Variants in DIDO1 observed in about 807,000 individuals in gnomAD.
DIDO1 encodes the protein death inducer-obliterator 1.
Under a neutral mutation model 99.4 loss-of-function variants are expected in DIDO1, and 16 were observed. That is an observed-to-expected ratio of 0.16 (90% CI 0.11 to 0.24). DIDO1 has a LOEUF of 0.24. Among genes scored for constraint, DIDO1 ranks in the 10% least tolerant of loss-of-function variants. The pLI is 1.00. For missense variants in DIDO1, 2,996 were observed against 3,014.0 expected, an observed-to-expected ratio of 0.99 and a Z score of 0.14; for synonymous variants, 1,366 against 1,239.1, an observed-to-expected ratio of 1.10 and a Z score of -2.15.
intron 4 of DIDO1, among the ~76,000 whole-genome samples, chr20:62,907,918 G>T (rs191159746): frequency 1.9e-4 from 29 of 152,336 alleles, no homozygotes; most frequent in African/African-American, 6.7e-4. Context: ...AATGAAATCG[G>T]AATGTCAGAT....
intron 8 of DIDO1, among the ~76,000 whole-genome samples, chr20:62,895,681 G>A (rs1011003473): frequency 1.3e-5 from 2 of 152,164 alleles, no homozygotes; most frequent in African/African-American, 2.4e-5. Context: ...CTGTCAGCCC[G>A]GCGGCCTATC....
chr20:62,907,707 G>A (rs1362575240), intron 4 of DIDO1, among the ~76,000 whole-genome samples: 2 of 152,246 alleles, frequency 1.3e-5, no homozygotes, highest in South Asian at 4.1e-4. Flanking sequence ...GGCTTCTTCA[G>A]ATGTAATTAA....
rs2064211356 is a variant in DIDO1 at position 62,881,777 on chromosome 20, C to CGGGTCGTACTCCTCCTCA, written c.4161_4178dup (p.Glu1389_Glu1394dup). The CGGGTCGTACTCCTCCTCA allele has an allele frequency of 6.2e-7, 1 of 1,613,238 alleles. No homozygotes were observed. The highest frequency in any genetic ancestry group is 1.7e-5 in the Admixed American group (1 of 60,006). On this transcript the variant is annotated inframe_insertion, in exon 16 of 16. Transcript: ENST00000395343. This position sits in a 1 kb window ranked among gnomAD's most constrained non-coding sequence, Gnocchi z 8.3. ...CAAGCTGAGTGTCGAAGGCCCTCTCCGGGTCGTACTCCTCCTCAGGGTCGT... is the reference window on the plus strand; with the variant it reads ...CAAGCTGAGTGTCGAAGGCCCTCTCCGGGTCGTACTCCTCCTCAGGGTCGTACTCCTCCTCAGGGTCGT...
At position 62,896,867 on chromosome 20, in the gene DIDO1, A is replaced by G; in HGVS notation, c.1718T>C (p.Phe573Ser). 6.2e-7 allele frequency: 1 copy of G among 1,614,192 alleles called. No homozygotes were observed. The highest frequency in any genetic ancestry group is 1.6e-4 in the Middle Eastern group (1 of 6,062). The change falls in exon 7 of 16, where the codon TTT becomes TCT. Residue 573 changes from phenylalanine to serine, a missense_variant. Transcript: ENST00000395343. The surrounding 1 kb of genome is among the most constrained non-coding windows in gnomAD (Gnocchi z 4.4). ...TGGTGTGGCTGCTGCCACATTAGCA[A>G]AAGAAGACTTCTTTGGCACGAGGTT... ...PRNLVPKKSS[F>S]ANVAAATPAI...
At chr20:62,897,154 A>C (rs2064555197) in intron 6 of DIDO1, among the ~76,000 whole-genome samples, 158 bp from the exon 7 acceptor site, 1 of 152,262 alleles carries the variant, frequency 6.6e-6, no homozygotes, top group Non-Finnish European at 1.5e-5. Flanking sequence ...GTTAGTGTTC[A>C]GAGGAGTGTA....
At chr20:62,920,345 C>G (rs1171577201) in intron 1 of DIDO1, among the ~76,000 whole-genome samples, 1 of 152,194 alleles carries the variant, frequency 6.6e-6, no homozygotes, top group Non-Finnish European at 1.5e-5. Context: ...AATTCCATGG[C>G]CCCAAGCACA....
At chr20:62,893,411 A>G (rs1488829379) in intron 12 of DIDO1, among the ~76,000 whole-genome samples, 1 of 152,224 alleles carries the variant, frequency 6.6e-6, no homozygotes, top group Non-Finnish European at 1.5e-5. Flanking sequence ...AATGATACAG[A>G]CATTTTGGTT....
At chr20:62,923,396 T>C (rs2004527) in intron 1 of DIDO1, among the ~76,000 whole-genome samples, 92,979 of 151,872 alleles carry the variant, frequency 0.61, 30,336 homozygotes, top group African/African-American at 0.84. Context: ...AGGCTGGTCT[T>C]GAACTCCTGA....
At chr20:62,905,006 T>C (rs1211740523) in intron 6 of DIDO1, 32 of 988,550 alleles carry the variant, frequency 3.2e-5, no homozygotes, top group Non-Finnish European at 3.8e-5. Context: ...CATTAAAGAC[T>C]GAATTGAAAA....
At position 62,910,739 on chromosome 20, in the gene DIDO1, C is replaced by G. The variant is rs989577266; in HGVS notation, c.839+35G>C. Reference sequence around the variant, plus strand: ...ACAAATGGAAAATTCTGTTTGCAACCCTGGGATTTCTGTGGGTGCCCACAC... The same window carrying G: ...ACAAATGGAAAATTCTGTTTGCAACGCTGGGATTTCTGTGGGTGCCCACAC... On this transcript the variant is annotated intron_variant, in intron 3 of 15. Coordinates refer to ENST00000395343, the MANE Select transcript of DIDO1 (RefSeq NM_001193369.2). The G allele has an allele frequency of 1.9e-6, 3 of 1,587,164 alleles. No individual in the cohort carries two copies. In the African/African-American group the frequency reaches 4.0e-5, roughly 21 times the overall value.
intron 1 of DIDO1, among the ~76,000 whole-genome samples, chr20:62,937,125 C>A (rs2065397010): frequency 6.6e-6 from 1 of 152,246 alleles, no homozygotes; most frequent in South Asian, 2.1e-4. Flanking sequence ...AGCAAACACA[C>A]GAAACCACCT....
intron 15 of DIDO1, among the ~76,000 whole-genome samples, chr20:62,884,740 G>A (rs529484585): frequency 1.3e-5 from 2 of 152,308 alleles, no homozygotes; most frequent in South Asian, 4.1e-4. Context: ...CTGGAGAGAG[G>A]ACCAAAGGCC....
At chr20:62,926,872 G>T (rs1337997012), upstream of DIDO1, among the ~76,000 whole-genome samples, 1 of 152,246 alleles carries the variant, frequency 6.6e-6, no homozygotes, top group Admixed American at 6.5e-5. Context: ...GGTGGGGATA[G>T]AAAGCTCCTG....
intron 1 of DIDO1, among the ~76,000 whole-genome samples, chr20:62,916,319 T>C (rs1284508520): frequency 1.4e-5 from 2 of 146,794 alleles, no homozygotes; most frequent in East Asian, 1.9e-4. Flanking sequence ...TCTAAGCACA[T>C]TTTTTTCCCC....
intron 1 of DIDO1, among the ~76,000 whole-genome samples, chr20:62,918,895 A>T (rs181566209): frequency 6.6e-6 from 1 of 152,318 alleles, no homozygotes; most frequent in African/African-American, 2.4e-5. Context: ...CAAATGAAGG[A>T]AAGATTACCC....
intron 1 of DIDO1, among the ~76,000 whole-genome samples, chr20:62,937,568 T>C (rs1272885959): frequency 6.6e-6 from 1 of 151,982 alleles, no homozygotes; most frequent in Non-Finnish European, 1.5e-5. Flanking sequence ...CTCAACAACA[T>C]CTCGAGTAAA....
intron 15 of DIDO1, chr20:62,887,991 G>A: frequency 2.0e-6 from 2 of 985,482 alleles, no homozygotes; most frequent in Non-Finnish European, 2.4e-6. Context: ...AATGTCCTCA[G>A]GGAGATCCAG....
chr20:62,917,994 C>T (rs1234302587), intron 1 of DIDO1, among the ~76,000 whole-genome samples: 1 of 152,226 alleles, frequency 6.6e-6, no homozygotes, highest in Non-Finnish European at 1.5e-5. Flanking sequence ...TAGGAGTACA[C>T]TGGATATGTG....
At chr20:62,902,488 C>A (rs186226293) in intron 6 of DIDO1, among the ~76,000 whole-genome samples, 1 of 152,170 alleles carries the variant, frequency 6.6e-6, no homozygotes, top group Admixed American at 6.5e-5. Context: ...AGAGCTCACG[C>A]GACCAGTGAA....
Sources: gnomAD v4.1 joint callset for allele counts (sites outside exome capture counted in the v4.1 genomes callset) on GRCh38, gnomAD v4.1.1 for gene constraint, Gnocchi (gnomAD v3.1) non-coding constraint, MANE v1.5 for transcripts, NCBI Gene and HGNC (gene_info 2026-07-23, HGNC 2026-07-21) for gene names.